The following PTPRD variants were observed in gnomAD, a reference collection of about 807,000 sequenced individuals.
PTPRD encodes receptor-type tyrosine-protein phosphatase delta.
PTPRD carries 34 observed loss-of-function variants against 214.5 expected under a neutral mutation model. The observed-to-expected ratio is 0.16, with a 90% confidence interval of 0.12 to 0.21. The LOEUF (loss-of-function observed/expected upper bound fraction) is 0.21. Ranked by LOEUF, PTPRD falls within the 10% of genes least tolerant of loss-of-function variation. PTPRD has a pLI of 1.00. For synonymous variants in PTPRD, 1,128 were observed against 845.7 expected, an observed-to-expected ratio of 1.33 and a Z score of -5.79; for missense variants, 2,545 against 2,398.7, an observed-to-expected ratio of 1.06 and a Z score of -1.27.
chr9:8,854,932 C>T (rs1182274894), intron 11 of PTPRD, among the ~76,000 whole-genome samples: 1 of 152,142 alleles, frequency 6.6e-6, no homozygotes, highest in Non-Finnish European at 1.5e-5. Context: ...ACACTGAGAA[C>T]TGGAATCACA....
chr9:9,339,720 C>T (rs1454784773), intron 9 of PTPRD, among the ~76,000 whole-genome samples: 3 of 152,104 alleles, frequency 2.0e-5, no homozygotes, highest in African/African-American at 7.2e-5. Flanking sequence ...AGTAATTGTA[C>T]AGTTGTTTCT....
intron 2 of PTPRD, among the ~76,000 whole-genome samples, chr9:10,555,476 G>A (rs1316984102): frequency 1.3e-5 from 2 of 152,064 alleles, no homozygotes; most frequent in African/African-American, 2.4e-5. Flanking sequence ...TGCAGTTCTG[G>A]GCTGAAATCC....
At chr9:8,412,424 T>TAATTCACAGCTGCA (rs1215000293) in intron 35 of PTPRD, among the ~76,000 whole-genome samples, 2 of 152,180 alleles carry the variant, frequency 1.3e-5, no homozygotes, top group Admixed American at 6.6e-5. Flanking sequence ...TAGGAAGAAT[T>TAATTCACAGCTGCA]AATTCACAGC....
chr9:8,959,255 G>A (rs527363756), intron 11 of PTPRD, among the ~76,000 whole-genome samples: 1 of 151,988 alleles, frequency 6.6e-6, no homozygotes, highest in Non-Finnish European at 1.5e-5. Context: ...ATGAGTGTTT[G>A]GAAGGACAGC....
At chr9:8,599,472 T>C (rs1018575748) in intron 14 of PTPRD, among the ~76,000 whole-genome samples, 3 of 152,166 alleles carry the variant, frequency 2.0e-5, no homozygotes, top group African/African-American at 4.8e-5. Context: ...ACAATAACTC[T>C]GGAGTAATGA....
chr9:9,602,808 C>A (rs923419393), intron 7 of PTPRD, among the ~76,000 whole-genome samples: 5 of 151,984 alleles, frequency 3.3e-5, no homozygotes, highest in Admixed American at 2.6e-4. Flanking sequence ...TATAATGAGG[C>A]CTACGATGCC....
At chr9:9,107,899 T>C (rs1418941059) in intron 10 of PTPRD, among the ~76,000 whole-genome samples, 2 of 152,164 alleles carry the variant, frequency 1.3e-5, no homozygotes, top group African/African-American at 2.4e-5. Flanking sequence ...GTGTTGTGTA[T>C]ATTTCATGGA....
rs557998827 is a variant in PTPRD, at chr9:10,289,812, C to T, written c.-545+51151G>A. On this transcript the variant is annotated intron_variant, in intron 3 of 45. Transcript: ENST00000381196. ...TAGTAAGGTACATAGGATATGTATA[C>T]AAGAAATTGTAATAAAGAATAGAAT... Among the ~76,000 whole-genome samples, 8 of 151,746 alleles carry T rather than the reference C, an allele frequency of 5.3e-5. No homozygotes were observed. The South Asian group carries it at 1.0e-3, about 20-fold the overall frequency.
chr9:8,717,264 G>C (rs1005086180), intron 12 of PTPRD, among the ~76,000 whole-genome samples: 6 of 152,168 alleles, frequency 3.9e-5, no homozygotes, highest in African/African-American at 1.4e-4. Flanking sequence ...GGGGGGAGAA[G>C]CAGGGATGGA....
Position 8,455,116 on chromosome 9 carries a change from A to G in PTPRD, c.3876-5279T>C, listed in dbSNP as rs531259616. ...ACTATACAGAAATTTGCACAATTGA[A>G]TAATACACCAAAAGGTAATAAGGTG... On this transcript the variant is annotated intron_variant, in intron 33 of 45. Transcript: ENST00000381196. Among the ~76,000 whole-genome samples, 9 of 152,336 alleles carry G rather than the reference A, an allele frequency of 5.9e-5. No homozygotes were observed. The South Asian group carries it at 1.2e-3, about 21-fold the overall frequency.
chr9:9,408,759 A>G (rs746169706), intron 8 of PTPRD, among the ~76,000 whole-genome samples: 1 of 151,854 alleles, frequency 6.6e-6, no homozygotes, highest in African/African-American at 2.4e-5. Context: ...AAAAATAACA[A>G]TTGTGAAGAT....
At chr9:9,403,788 T>A (rs2071988477) in intron 8 of PTPRD, among the ~76,000 whole-genome samples, 3 of 152,160 alleles carry the variant, frequency 2.0e-5, no homozygotes, top group Admixed American at 6.6e-5. Flanking sequence ...GGTAACCATG[T>A]GGACATGTTT....
intron 4 of PTPRD, among the ~76,000 whole-genome samples, chr9:9,971,044 G>T (rs750321058): frequency 1.3e-5 from 2 of 152,070 alleles, no homozygotes; most frequent in Non-Finnish European, 2.9e-5. Flanking sequence ...AAATTCTTAA[G>T]TAACAACCTA....
intron 9 of PTPRD, among the ~76,000 whole-genome samples, chr9:9,379,085 T>C (rs1441642548): frequency 1.3e-5 from 2 of 151,544 alleles, no homozygotes; most frequent in African/African-American, 4.8e-5. Flanking sequence ...TGCTATATTT[T>C]GTCATCTAGA....
intron 10 of PTPRD, among the ~76,000 whole-genome samples, chr9:9,072,229 T>G (rs1240464415): frequency 1.3e-5 from 2 of 151,406 alleles, no homozygotes; most frequent in Admixed American, 6.6e-5. Flanking sequence ...TTAGTAGGGT[T>G]AGAATCTCAG....
intron 2 of PTPRD, among the ~76,000 whole-genome samples, chr9:10,357,993 G>A (rs184164467): frequency 6.6e-6 from 1 of 152,114 alleles, no homozygotes; most frequent in Admixed American, 6.5e-5. Context: ...ATATCTCCAG[G>A]TACTCCATAG....
At chr9:9,580,043 T>C (rs1436669328) in intron 7 of PTPRD, among the ~76,000 whole-genome samples, 2 of 152,190 alleles carry the variant, frequency 1.3e-5, no homozygotes, top group African/African-American at 2.4e-5. Flanking sequence ...ATCTTTTTTA[T>C]GGCCGAATAG....
At chr9:9,677,966 A>G (rs889404834) in intron 7 of PTPRD, among the ~76,000 whole-genome samples, 19 of 152,266 alleles carry the variant, frequency 1.2e-4, no homozygotes, top group African/African-American at 4.3e-4. Context: ...ACTCCCATTC[A>G]CAATTGCTTC....
At chr9:8,801,449 G>A (rs1338314610) in intron 11 of PTPRD, among the ~76,000 whole-genome samples, 1 of 152,212 alleles carries the variant, frequency 6.6e-6, no homozygotes, top group African/African-American at 2.4e-5. Context: ...AAGCACAGTG[G>A]CTCACGCCTG....
Sources: allele counts gnomAD v4.1 joint callset (sites outside exome capture counted in the v4.1 genomes callset), GRCh38; gene constraint gnomAD v4.1.1; transcripts MANE v1.5; gene names NCBI Gene and HGNC (gene_info 2026-07-23, HGNC 2026-07-21).